The following ZNF219 variants were observed in gnomAD, a reference collection of about 807,000 sequenced individuals.
ZNF219 encodes the protein zinc finger protein 219.
ZNF219 carries 17 observed loss-of-function variants against 54.4 expected under a neutral mutation model. The observed-to-expected ratio is 0.31, with a 90% confidence interval of 0.21 to 0.47. ZNF219 has a LOEUF of 0.47. ZNF219 is among the 20% of genes least tolerant of loss of function. The probability of loss-of-function intolerance (pLI) is 1.00; values close to 1 mark genes in which losing one functional copy is unlikely to be tolerated. For missense variants in ZNF219, 1,014 were observed against 1,062.3 expected (o/e 0.95, Z 0.63); for synonymous variants, 518 against 476.4 (o/e 1.09, Z -1.14).
intron 1 of ZNF219, chr14:21,097,234 C>T (rs1889324439): frequency 6.6e-6 from 1 of 152,342 alleles, no homozygotes; most frequent in Non-Finnish European, 1.5e-5. Flanking sequence ...AGCCTCCTTC[C>T]CTCTGTCCTC....
At chr14:21,103,123 T>A (rs1176248362), upstream of ZNF219, 1 of 1,551,710 alleles carries the variant, frequency 6.4e-7, no homozygotes, top group Admixed American at 2.0e-5. Context: ...TGCTCACACC[T>A]GTCTCTGGTT....
Position 21,098,646 on chromosome 14 carries a change from G to T in ZNF219, c.-418C>A. 1 of 1,020,380 alleles carries T rather than the reference G, an allele frequency of 9.8e-7. No individual in the cohort carries two copies. Among genetic ancestry groups the T allele is most frequent in the Non-Finnish European group, 1.2e-6 (1 of 847,158 alleles). 63.2% of individuals were successfully genotyped at this position (1,020,380 alleles called of 1,614,324 possible). A position where few individuals can be genotyped will look rare whatever the true frequency, so the allele number is the denominator to read the frequency against. ...GGCCGCCAGGGGCGGGGTGCGGGCG[G>T]TTTGGAGACGGGGGGCGCTGTCGGA... is the stretch of plus-strand genomic sequence containing the variant. On this transcript the variant is annotated 5_prime_UTR_variant, in exon 1 of 5. Coordinates refer to ENST00000360947, the MANE Select transcript of ZNF219 (RefSeq NM_016423.3).
At chr14:21,095,978 G>A (rs942143403) in intron 1 of ZNF219, among the ~76,000 whole-genome samples, 21 of 145,840 alleles carry the variant, frequency 1.4e-4, no homozygotes, top group East Asian at 4.4e-4. Flanking sequence ...GGGGATTCCC[G>A]GAACATCCTG....
chr14:21,095,283 G>A (rs902393446), intron 1 of ZNF219, among the ~76,000 whole-genome samples: 1 of 152,312 alleles, frequency 6.6e-6, no homozygotes, highest in East Asian at 1.9e-4. Context: ...GTGTATTTCT[G>A]TAGCTTCAAA....
Position 21,091,091 on chromosome 14 carries a change from G to T in ZNF219, c.1614C>A (p.Ser538=). The T allele has an allele frequency of 1.3e-6, 2 of 1,577,228 alleles. No individual in the cohort carries two copies. Among genetic ancestry groups the T allele is most frequent in the East Asian group, 2.3e-5 (1 of 43,254 alleles). ...CPHCDYAGTQ[S]GSLKYHLQRH... is the part of the protein sequence containing the mutation. ...GCTGTAGGTGATACTTGAGCGAGCC[G>T]GACTGGGTGCCCGCGTAGTCGCAGT... The change falls in exon 5 of 5, where the codon TCC becomes TCA. Residue 538 remains serine, a synonymous_variant. Transcript: ENST00000360947.
In ZNF219 at chr14:21,092,296, G is replaced by A. The variant is rs199878395; in HGVS notation, c.1001C>T (p.Pro334Leu). The change falls in exon 3 of 5, where the codon CCG (proline) becomes CTG (leucine). Residue 334 changes from proline (P) to leucine (L), a missense_variant. Physicochemically the swap from Pro to Leu is moderately conservative, Grantham distance 98. This residue lies in a region of ZNF219 where 272 missense variants were observed against 248.9 expected (regional missense o/e 1.09). Transcript: ENST00000360947. ...GCGGGCAGGCCCGGAGGCAGGCCCC[G>A]GGGCACGCAGTGGGCCCAGCTTGCT... ...HASKLGPLRA[P>L]GPASGPARAP... 75 of 1,525,470 alleles carry A rather than the reference G, an allele frequency of 4.9e-5. 1 individual carries two copies. In the East Asian group the frequency reaches 1.4e-3, roughly 28 times the overall value. 94.5% of individuals were successfully genotyped at this position (1,525,470 alleles called of 1,614,324 possible). A position where few individuals can be genotyped will look rare whatever the true frequency, so the allele number is the denominator to read the frequency against.
upstream of ZNF219, chr14:21,101,335 A>G: frequency 2.6e-6 from 4 of 1,551,270 alleles, no homozygotes; most frequent in Non-Finnish European, 3.5e-6. Flanking sequence ...TCTTGTGGGC[A>G]AAGGAGCCAT....
chr14:21,095,054 T>C (rs1889216480), intron 1 of ZNF219, among the ~76,000 whole-genome samples: 2 of 152,156 alleles, frequency 1.3e-5, no homozygotes, highest in Admixed American at 1.3e-4. Flanking sequence ...AGAAAAGAAC[T>C]GTGCCAGGAG....
In ZNF219 at chr14:21,093,247, G is replaced by T. The variant is rs765817967; in HGVS notation, c.50C>A (p.Pro17Gln). 5.0e-6 allele frequency: 8 copies of T among 1,599,286 alleles called. No individual in the cohort carries two copies. Among genetic ancestry groups the T allele is most frequent in the Middle Eastern group, 1.7e-4 (1 of 6,048 alleles). Residue 17 changes from proline (P) to glutamine (Q), a missense_variant, in exon 3 of 5, where the codon CCG becomes CAG. Pro to Gln is a moderately conservative substitution (Grantham distance 76). Around this residue, in one of 5 missense-constraint regions of ZNF219, gnomAD observed 395 missense variants for 415.1 expected, o/e 0.95. Coordinates refer to ENST00000360947, the MANE Select transcript of ZNF219 (RefSeq NM_016423.3). ...ATCCAGCTCGCCGTCGAAAGCCGGC[G>T]GCGACGGCGCTAAGTGGCCGCTCGG... ...RAPSGHLAPS[P>Q]PAFDGELDLQ... is the part of the protein sequence containing the mutation.
chr14:21,101,949 G>C (rs1421229153), upstream of ZNF219: 3 of 1,551,562 alleles, frequency 1.9e-6, no homozygotes, highest in Non-Finnish European at 2.6e-6. Flanking sequence ...CATGGCCACA[G>C]CGCTGCCTCT....
rs1889033038 is a variant in ZNF219 at position 21,092,827 on chromosome 14, G to A, written c.470C>T (p.Ala157Val). The stretch of plus-strand genomic sequence containing the variant: ...GCAACGGAAGGCGGACGATGAAGGA[G>A]CCTGGGGCCGCGCCAGACCCTCAGT... ...PATEGLARPQ[A>V]PSSSAFRCPY... Residue 157 changes from alanine to valine, a missense_variant, in exon 3 of 5, where the codon GCT becomes GTT. Physicochemically the swap from Ala to Val is moderately conservative, Grantham distance 64. Around this residue, in one of 5 missense-constraint regions of ZNF219, gnomAD observed 395 missense variants for 415.1 expected, o/e 0.95. Coordinates refer to ENST00000360947, the MANE Select transcript of ZNF219 (RefSeq NM_016423.3). 4 of 1,572,822 alleles carry A rather than the reference G, an allele frequency of 2.5e-6. No individual in the cohort carries two copies. The South Asian group carries it at 3.6e-5, about 14-fold the overall frequency.
rs1889001071 is a variant in ZNF219 at position 21,092,570 on chromosome 14, C to T, written c.727G>A (p.Val243Ile). 1.3e-6 allele frequency: 2 copies of T among 1,547,202 alleles called. No individual in the cohort carries two copies. The highest frequency in any genetic ancestry group is 2.0e-5 in the Admixed American group (1 of 50,820). Residue 243 changes from valine (V) to isoleucine (I), a missense_variant, in exon 3 of 5, where the codon GTC (valine) becomes ATC (isoleucine). By Grantham distance (29) the Val-to-Ile change is conservative. Coordinates refer to ENST00000360947, the MANE Select transcript of ZNF219 (RefSeq NM_016423.3). ...TCCGGCTCCGGCTCCGGCTGGGGGACTGATCTGGGTTCGGGCTGGGGTGGA... is the reference window on the plus strand; with the variant it reads ...TCCGGCTCCGGCTCCGGCTGGGGGATTGATCTGGGTTCGGGCTGGGGTGGA... ...QPPPQPEPRS[V>I]PQPEPEPEPE... is the part of the protein sequence containing the mutation.
In ZNF219 at chr14:21,091,018, C is replaced by T. The variant is rs1047905390; in HGVS notation, c.1687G>A (p.Glu563Lys). 1 of 1,553,768 alleles carries T rather than the reference C, an allele frequency of 6.4e-7. No homozygotes were observed. The highest frequency in any genetic ancestry group is 8.6e-7 in the Non-Finnish European group (1 of 1,156,310). Residue 563 changes from glutamate (E) to lysine (K), a missense_variant, in exon 5 of 5, where the codon GAG (glutamate) becomes AAG (lysine). This residue lies in a region of ZNF219 where 281 missense variants were observed against 271.2 expected (regional missense o/e 1.04). Transcript: ENST00000360947. ...CCCCGCTGGGAAGGAGGCGGTGGCT[C>T]CGGGGGTGGCCCGGGGCCGGCCCCG... ...RSGAGPGPPP[E>K]PPPPSQRGSA...
chr14:21,101,551 T>G (rs1019601270), upstream of ZNF219: 31 of 1,107,536 alleles, frequency 2.8e-5, no homozygotes, highest in African/African-American at 4.5e-4. Context: ...ACCTACCATG[T>G]GCCAGAAACT....
chr14:21,097,207 G>A (rs1889322922), intron 1 of ZNF219: 1 of 152,308 alleles, frequency 6.6e-6, no homozygotes. Context: ...AGCCTTTTTA[G>A]ACTGAGATCT....
upstream of ZNF219, chr14:21,102,317 G>A: frequency 6.7e-7 from 1 of 1,487,960 alleles, no homozygotes; most frequent in Admixed American, 2.0e-5. Flanking sequence ...AGCAGAAGCT[G>A]AGTTTTGTCT....
Position 21,090,571 on chromosome 14 carries a change from G to A in ZNF219, c.2134C>T (p.Pro712Ser), listed in dbSNP as rs1594591226. The change falls in exon 5 of 5, where the codon CCC (proline) becomes TCC (serine). Residue 712 changes from proline to serine, a missense_variant. Physicochemically the swap from Pro to Ser is moderately conservative, Grantham distance 74. This residue lies in a region of ZNF219 where 281 missense variants were observed against 271.2 expected (regional missense o/e 1.04). Coordinates refer to ENST00000360947, the MANE Select transcript of ZNF219 (RefSeq NM_016423.3). This position sits in a 1 kb window ranked among gnomAD's most constrained non-coding sequence, Gnocchi z 4.4. Reference sequence around the variant, plus strand: ...TGCCCCCCCAGCCCTGCCTCTCCGGGTCTGGACAGCCCGGAGCCCTCCTCC... The same window carrying A: ...TGCCCCCCCAGCCCTGCCTCTCCGGATCTGGACAGCCCGGAGCCCTCCTCC... ...EGEEGSGLSR[P>S]GEAGLGGQER 3.1e-6 allele frequency: 5 copies of A among 1,607,442 alleles called. No homozygotes were observed. Among genetic ancestry groups the A allele is most frequent in the East Asian group, 2.2e-5 (1 of 44,638 alleles).
At chr14:21,094,726 T>G (rs1327441020) in intron 1 of ZNF219, among the ~76,000 whole-genome samples, 3 of 5,896 alleles carry the variant, frequency 5.1e-4, no homozygotes, top group Non-Finnish European at 3.4e-4. Context: ...GGATAGGGGT[T>G]GGGGGGGGGG....
upstream of ZNF219, chr14:21,102,345 G>A: frequency 1.3e-6 from 2 of 1,530,844 alleles, no homozygotes; most frequent in Non-Finnish European, 1.8e-6. Context: ...GGCTGCAAGT[G>A]GGGATTGAGG....
Sources: allele counts gnomAD v4.1 joint callset (sites outside exome capture counted in the v4.1 genomes callset), GRCh38; gene constraint gnomAD v4.1.1; regional missense constraint gnomAD v4.1.1; non-coding constraint Gnocchi (gnomAD v3.1); transcripts MANE v1.5; gene names NCBI Gene and HGNC (gene_info 2026-07-23, HGNC 2026-07-21).